Variants in TADA2A observed in about 807,000 individuals in gnomAD.
TADA2A encodes transcriptional adapter 2-alpha.
Under a neutral mutation model 67.4 loss-of-function variants are expected in TADA2A, and 38 were observed. That is an observed-to-expected ratio of 0.56 (90% CI 0.44 to 0.74). The LOEUF is 0.74. Among genes scored for constraint, TADA2A ranks in the 30% least tolerant of loss-of-function variants. The pLI is 0.00. For synonymous variants in TADA2A, 192 were observed against 181.6 expected, an observed-to-expected ratio of 1.06 and a Z score of -0.46; for missense variants, 454 against 547.0, an observed-to-expected ratio of 0.83 and a Z score of 1.70.
At chr17:37,450,237 G>C (rs970532611) in intron 8 of TADA2A, among the ~76,000 whole-genome samples, 2 of 152,188 alleles carry the variant, frequency 1.3e-5, no homozygotes, top group African/African-American at 4.8e-5. Context: ...TAGATCACAT[G>C]ATCTTCCCTG....
Position 37,458,602 on chromosome 17 carries a change from C to A in TADA2A, c.668+15C>A, listed in dbSNP as rs2053459837. 2 of 1,606,264 alleles carry A rather than the reference C, an allele frequency of 1.2e-6. No homozygotes were observed. Among genetic ancestry groups the A allele is most frequent in the East Asian group, 2.2e-5 (1 of 44,670 alleles). ...AGACGAAAAAAGTAAGTATAAAAAA[C>A]CATCCTGGCCTCCTTTCAGCTTTGG... On this transcript the variant is annotated intron_variant, in intron 9 of 15. Transcript: ENST00000615182.
At chr17:37,475,582 C>T (rs1316276672) in intron 15 of TADA2A, among the ~76,000 whole-genome samples, 1 of 152,114 alleles carries the variant, frequency 6.6e-6, no homozygotes, top group Admixed American at 6.6e-5. Context: ...AAACGATTCT[C>T]CTGCCCCTGA....
chr17:37,419,370 C>T lies in TADA2A; in HGVS notation c.26-4139C>T, dbSNP rs527625035. On this transcript the variant is annotated intron_variant, in intron 2 of 15. Coordinates refer to ENST00000615182, the MANE Select transcript of TADA2A (RefSeq NM_001166105.3). ...GTTTTTTTTTGTAGAGACATGGTTT[C>T]ACCATGTTCCCCAGGCTGGTCTCGA... is the stretch of plus-strand genomic sequence containing the variant. Among the ~76,000 whole-genome samples, 5 of 145,238 alleles carry T rather than the reference C, an allele frequency of 3.4e-5. 1 individual carries two copies. Among genetic ancestry groups the T allele is most frequent in the Non-Finnish European group, 7.7e-5 (5 of 65,230 alleles).
chr17:37,414,382 C>T (rs925127255), intron 2 of TADA2A, among the ~76,000 whole-genome samples: 2 of 151,752 alleles, frequency 1.3e-5, no homozygotes, highest in African/African-American at 4.8e-5. Context: ...TTAGCATCTC[C>T]GTCCTTTTTG....
intron 10 of TADA2A, 113 bp from the exon 11 acceptor site, chr17:37,465,318 T>G: frequency 1.3e-6 from 1 of 740,882 alleles, no homozygotes; most frequent in Non-Finnish European, 2.2e-6. Context: ...GTTAGTCATA[T>G]GAGGTTATGA....
At chr17:37,429,610 A>G (rs2052513171) in intron 4 of TADA2A, among the ~76,000 whole-genome samples, 1 of 152,146 alleles carries the variant, frequency 6.6e-6, no homozygotes, top group African/African-American at 2.4e-5. Context: ...TGGGCCTCCT[A>G]CAGCACTGCA....
intron 4 of TADA2A, among the ~76,000 whole-genome samples, chr17:37,427,796 A>G (rs2052452133): frequency 1.3e-5 from 2 of 152,146 alleles, no homozygotes; most frequent in Admixed American, 1.3e-4. Context: ...CCTAGCCAAT[A>G]TAAGGTGAAA....
chr17:37,431,081 A>C (rs1403394773), intron 4 of TADA2A, among the ~76,000 whole-genome samples: 1 of 151,988 alleles, frequency 6.6e-6, no homozygotes, highest in Middle Eastern at 3.2e-3. Context: ...AGGTATAACA[A>C]GTTCTAAGTG....
At chr17:37,424,909 T>A (rs2052359216) in intron 3 of TADA2A, among the ~76,000 whole-genome samples, 2 of 152,006 alleles carry the variant, frequency 1.3e-5, no homozygotes, top group African/African-American at 2.4e-5. Flanking sequence ...TCACCCAGGC[T>A]GGAGTGCAGT....
rs554259152 is a variant in TADA2A at position 37,464,946 on chromosome 17, A to G, written c.713-485A>G. Among the ~76,000 whole-genome samples, 415 of 152,124 alleles carry G rather than the reference A, an allele frequency of 2.7e-3. 1 individual carries two copies. Among genetic ancestry groups the G allele is most frequent in the African/African-American group, 9.5e-3 (395 of 41,486 alleles). ...TGGATCACCTGAGGTCAAGAGTTCA[A>G]GACCAGCCTGGCCAATGTGGTGAAA... On this transcript the variant is annotated intron_variant, in intron 10 of 15. Transcript: ENST00000615182.
At chr17:37,449,381 AATACATAT>A (rs2053171146) in intron 8 of TADA2A, among the ~76,000 whole-genome samples, 1 of 152,218 alleles carries the variant, frequency 6.6e-6, no homozygotes, top group Non-Finnish European at 1.5e-5. Context: ...AATAATTGCT[AATACATAT>A]AGCATTTACT....
chr17:37,448,077 TCCATTATA>T (rs1277681107), intron 8 of TADA2A, among the ~76,000 whole-genome samples: 2 of 152,228 alleles, frequency 1.3e-5, no homozygotes, highest in African/African-American at 4.8e-5. Flanking sequence ...TTGTTACCAT[TCCATTATA>T]CCATTATGCT....
In TADA2A at chr17:37,406,919, TC is replaced by T. The variant is rs1181313456; in HGVS notation, c.-127del. The stretch of plus-strand genomic sequence containing the variant: ...CCCGGAGGCGCGCGCGACCGGCGGC[TC>T]TTTGGCGCGGATTAGGGGGTCTCGG... On this transcript the variant is annotated 5_prime_UTR_variant, in exon 1 of 16. Transcript: ENST00000615182. 9 of 134,104 alleles carry T rather than the reference TC, an allele frequency of 6.7e-5. No individual in the cohort carries two copies. Among genetic ancestry groups the T allele is most frequent in the Non-Finnish European group, 1.4e-4 (9 of 62,504 alleles). The allele number at this position is 134,104 out of a possible 1,614,324, so 8.3% of individuals were successfully genotyped here.
At chr17:37,433,953 CAA>C (rs57761020) in intron 4 of TADA2A, among the ~76,000 whole-genome samples, 3 of 134,244 alleles carry the variant, frequency 2.2e-5, no homozygotes. Context: ...GACTTGGTCT[CAA>C]AAAAAAAAAA....
intron 2 of TADA2A, among the ~76,000 whole-genome samples, chr17:37,412,225 A>G (rs959867805): frequency 6.6e-6 from 1 of 151,720 alleles, no homozygotes; most frequent in African/African-American, 2.4e-5. Flanking sequence ...AAAGAAAAAA[A>G]AAAAAAAAAG....
At chr17:37,411,829 G>T (rs889895502) in intron 2 of TADA2A, among the ~76,000 whole-genome samples, 3 of 150,288 alleles carry the variant, frequency 2.0e-5, no homozygotes, top group South Asian at 2.1e-4. Context: ...TGATTCTAAG[G>T]GAATTATGAG....
In TADA2A at chr17:37,468,545, T is replaced by C. The variant is rs879270094; in HGVS notation, c.895+1020T>C. On this transcript the variant is annotated intron_variant, in intron 12 of 15. Coordinates refer to ENST00000615182, the MANE Select transcript of TADA2A (RefSeq NM_001166105.3). ...TTATTTTTCTTTCCTTTTTTTTTTT[T>C]CCCTAGAGACTGACTCTTGCTATGT... 6.0e-4 allele frequency among the ~76,000 whole-genome samples: 91 copies of C among 152,016 alleles called. 1 individual carries two copies. The highest frequency in any genetic ancestry group is 9.7e-4 in the Non-Finnish European group (66 of 67,976).
intron 15 of TADA2A, 139 bp from the exon 16 acceptor site, chr17:37,476,658 G>C: frequency 1.3e-6 from 1 of 773,042 alleles, no homozygotes; most frequent in East Asian, 2.7e-5. Flanking sequence ...AGACTAAATG[G>C]AATGTAGTCC....
At chr17:37,461,918 T>G in intron 9 of TADA2A, 160 bp from the exon 10 acceptor site, 2 of 570,768 alleles carry the variant, frequency 3.5e-6, no homozygotes, top group South Asian at 4.5e-5. Context: ...ATTGGGTTAG[T>G]GATTCACTGA....
Sources: allele counts gnomAD v4.1 joint callset (sites outside exome capture counted in the v4.1 genomes callset), GRCh38; gene constraint gnomAD v4.1.1; transcripts MANE v1.5; gene names NCBI Gene and HGNC (gene_info 2026-07-23, HGNC 2026-07-21).